Variants in PGC observed in about 807,000 individuals in gnomAD.
The protein encoded by PGC is gastricsin.
A neutral mutation model predicts 45.9 loss-of-function variants in PGC; 31 were observed. The observed-to-expected ratio is 0.67, with a 90% CI of 0.51 to 0.91. PGC has a LOEUF of 0.91. Among genes scored for constraint, PGC ranks in the 40% least tolerant of loss-of-function variants. The pLI is 0.00. For missense variants in PGC, 477 were observed against 493.2 expected (o/e 0.97, Z 0.31); for synonymous variants, 192 against 201.8 (o/e 0.95, Z 0.41).
At chr6:41,746,443 C>T (rs1368448600) in intron 1 of PGC, among the ~76,000 whole-genome samples, 2 of 152,226 alleles carry the variant, frequency 1.3e-5, no homozygotes, top group Non-Finnish European at 1.5e-5. Context: ...TTATAAATCA[C>T]CGTTTCTGTC....
rs201452329 is a variant in PGC at position 41,744,360 on chromosome 6, C to A, written c.328+37G>T. The A allele has an allele frequency of 1.3e-6, 2 of 1,484,218 alleles. No homozygotes were observed. Among genetic ancestry groups the A allele is most frequent in the South Asian group, 1.2e-5 (1 of 85,728 alleles). 91.9% of individuals were successfully genotyped at this position (1,484,218 alleles called of 1,614,324 possible). ...CCCCAGAGGGTATCAGTGCCTTGCC[C>A]TGCCAACCACCCCTCTCTGCCCAGC... On this transcript the variant is annotated intron_variant, in intron 3 of 8. Coordinates refer to ENST00000373025, the MANE Select transcript of PGC (RefSeq NM_002630.4). This position sits in a 1 kb window ranked among gnomAD's most constrained non-coding sequence, Gnocchi z 4.4.
intron 5 of PGC, 101 bp downstream of exon 5, chr6:41,742,189 G>T: frequency 9.5e-7 from 1 of 1,055,478 alleles, no homozygotes; most frequent in Non-Finnish European, 1.4e-6. Context: ...ATGCCCGCTG[G>T]GATGCCTCCA....
chr6:41,741,050 C>T lies in PGC; in HGVS notation c.648-440G>A, dbSNP rs1317788075. 5.9e-6 allele frequency: 9 copies of T among 1,537,190 alleles called. No individual in the cohort carries two copies. In the Admixed American group the frequency reaches 1.8e-4, roughly 30 times the overall value. ...CCCCCAGCCCACACTCTGCTCTCCTCTCCCCTCCGCTTCCTGCCTCTGGTA... is the reference window on the plus strand; with the variant it reads ...CCCCCAGCCCACACTCTGCTCTCCTTTCCCCTCCGCTTCCTGCCTCTGGTA... On this transcript the variant is annotated intron_variant, in intron 5 of 8. Coordinates refer to ENST00000373025, the MANE Select transcript of PGC (RefSeq NM_002630.4).
At chr6:41,742,188 G>T in intron 5 of PGC, 102 bp downstream of exon 5, 3 of 1,049,296 alleles carry the variant, frequency 2.9e-6, no homozygotes, top group Non-Finnish European at 4.3e-6. Context: ...GATGCCCGCT[G>T]GGATGCCTCC....
In PGC at chr6:41,742,290, T is replaced by G. The variant is rs781304062; in HGVS notation, c.647A>C (p.Asn216Thr). The change falls in exon 5 of 9, where the codon AAC becomes ACC. Residue 216 changes from asparagine (N) to threonine (T), a missense_variant and splice_region_variant. Asn to Thr is a moderately conservative substitution (Grantham distance 65). Coordinates refer to ENST00000373025, the MANE Select transcript of PGC (RefSeq NM_002630.4). ...GGGGACTGGCCAGCTGGTTGCTCAC[T>G]TGCTGAGGTAGACGCTGAAGACGGG... is the stretch of plus-strand genomic sequence containing the variant. The part of the protein sequence containing the change: ...TSPVFSVYLS[N>T]QQGSSGGAVV... 2 of 1,613,266 alleles carry G rather than the reference T, an allele frequency of 1.2e-6. No homozygotes were observed. Among genetic ancestry groups the G allele is most frequent in the East Asian group, 2.2e-5 (1 of 44,872 alleles).
Position 41,741,725 on chromosome 6 carries a change from G to A in PGC, c.647+565C>T, listed in dbSNP as rs1007223056. On this transcript the variant is annotated intron_variant, in intron 5 of 8. Coordinates refer to ENST00000373025, the MANE Select transcript of PGC (RefSeq NM_002630.4). ...AACAAAGAAAAGCAGGCCCCAGGCC[G>A]CTCACCCCCACCCACTGCCTGTCTC... 18 of 1,039,924 alleles carry A rather than the reference G, an allele frequency of 1.7e-5. 1 individual carries two copies. Among genetic ancestry groups the A allele is most frequent in the East Asian group, 2.6e-5 (1 of 38,650 alleles). 64.4% of individuals were successfully genotyped at this position (1,039,924 alleles called of 1,614,324 possible). A position where few individuals can be genotyped will look rare whatever the true frequency, so the allele number is the denominator to read the frequency against.
At chr6:41,739,066 A>G (rs529689919) in intron 7 of PGC, among the ~76,000 whole-genome samples, 105 of 152,350 alleles carry the variant, frequency 6.9e-4, no homozygotes, top group African/African-American at 2.5e-3. Flanking sequence ...GCTTGGGTTA[A>G]TTAAACAAAC....
rs148682620 is a variant in PGC at position 41,739,711 on chromosome 6, G to A, written c.915+88C>T. The stretch of plus-strand genomic sequence containing the variant: ...TGGGATTACAGGCATGAGCCACGGC[G>A]CCCAGCTGGCTATTGTGTTCCCAGG... On this transcript the variant is annotated intron_variant, in intron 7 of 8. Transcript: ENST00000373025. 114 of 1,371,874 alleles carry A rather than the reference G, an allele frequency of 8.3e-5. No homozygotes were observed. In the African/African-American group the frequency reaches 1.3e-3, roughly 16 times the overall value. The allele number at this position is 1,371,874 out of a possible 1,614,324, so 85.0% of individuals were successfully genotyped here.
chr6:41,746,130 G>A (rs1771928187), intron 1 of PGC, among the ~76,000 whole-genome samples: 1 of 151,762 alleles, frequency 6.6e-6, no homozygotes, highest in African/African-American at 2.4e-5. Flanking sequence ...CCATTGCACT[G>A]CAGCCTGGGC....
intron 7 of PGC, 146 bp downstream of exon 7, chr6:41,739,653 A>C: frequency 2.6e-6 from 2 of 763,760 alleles, no homozygotes; most frequent in Non-Finnish European, 4.2e-6. Context: ...TCCTGGGCTC[A>C]AAAGATCTGC....
intron 4 of PGC, 28 bp downstream of exon 4, chr6:41,743,243 C>T: frequency 7.4e-7 from 1 of 1,343,966 alleles, no homozygotes; most frequent in Non-Finnish European, 1.1e-6. Flanking sequence ...GCTCACAGCC[C>T]CAGCCTCCAC....
At chr6:41,738,167 C>CATATATATATGCAT (rs1771733607) in intron 7 of PGC, among the ~76,000 whole-genome samples, 2 of 27,984 alleles carry the variant, frequency 7.1e-5, no homozygotes, top group African/African-American at 1.9e-4. Context: ...CATATATATG[C>CATATATATATGCAT]ATATATATAT....
intron 1 of PGC, among the ~76,000 whole-genome samples, chr6:41,745,248 T>C (rs570154780): frequency 2.0e-5 from 3 of 152,136 alleles, no homozygotes; most frequent in African/African-American, 7.2e-5. Context: ...ATGTACTTTT[T>C]TTTTTTTGAG....
At position 41,743,288 on chromosome 6, in the gene PGC, C is replaced by A. The variant is rs549629939; in HGVS notation, c.430G>T (p.Gly144Cys). Residue 144 changes from glycine to cysteine, a missense_variant, in exon 4 of 9, where the codon GGC (glycine) becomes TGC (cysteine). By Grantham distance (159) the Gly-to-Cys change is radical. Coordinates refer to ENST00000373025, the MANE Select transcript of PGC (RefSeq NM_002630.4). ...YGSGSLTGFFGYDTLTVQSIQ... is the reference protein window; with the variant it reads ...YGSGSLTGFFCYDTLTVQSIQ... ...CCACTCACAGTCAGGGTGTCATAGC[C>A]AAAGAAGCCGGTGAGGCTGCCACTG... 54 of 1,611,410 alleles carry A rather than the reference C, an allele frequency of 3.4e-5. 2 individuals are homozygous for A. In the South Asian group the frequency reaches 5.5e-4, roughly 16 times the overall value.
At chr6:41,740,678 A>G in intron 5 of PGC, 68 bp from the exon 6 acceptor site, 3 of 1,525,124 alleles carry the variant, frequency 2.0e-6, no homozygotes, top group Middle Eastern at 1.8e-4. Flanking sequence ...CTGAGCAGTC[A>G]CCTCCACAGG....
At chr6:41,738,909 A>G (rs943598729) in intron 7 of PGC, among the ~76,000 whole-genome samples, 2 of 151,446 alleles carry the variant, frequency 1.3e-5, no homozygotes, top group African/African-American at 4.9e-5. Flanking sequence ...GCAGTGAGCC[A>G]AGATCACGCC....
Position 41,744,684 on chromosome 6 carries a change from T to A in PGC, c.184A>T (p.Thr62Ser), listed in dbSNP as rs1360043586. The change falls in exon 2 of 9, where the codon ACC becomes TCC. Residue 62 changes from threonine to serine, a missense_variant. Thr to Ser is a moderately conservative substitution (Grantham distance 58, BLOSUM62 1). Coordinates refer to ENST00000373025, the MANE Select transcript of PGC (RefSeq NM_002630.4). The surrounding 1 kb of genome is among the most constrained non-coding windows in gnomAD (Gnocchi z 4.4). ...TCCATGTAGGCCATGGGCTCGTAGG[T>A]CACGCTGAGGTCACCAAAGCGGTAC... ...WKYRFGDLSV[T>S]YEPMAYMDAA... is the part of the protein sequence containing the mutation. 1 of 1,614,116 alleles carries A rather than the reference T, an allele frequency of 6.2e-7. No homozygotes were observed. The highest frequency in any genetic ancestry group is 8.5e-7 in the Non-Finnish European group (1 of 1,180,010).
At position 41,740,484 on chromosome 6, in the gene PGC, G is replaced by T; in HGVS notation, c.767+7C>A. ...GCCACATCCCCAGGGCCCCACCGCA[G>T]ACTCACTCTTCAATGCCAATCTGCC... On this transcript the variant is annotated splice_region_variant and intron_variant, in intron 6 of 8. Transcript: ENST00000373025. The T allele has an allele frequency of 6.2e-7, 1 of 1,606,610 alleles. No homozygotes were observed. Among genetic ancestry groups the T allele is most frequent in the South Asian group, 1.1e-5 (1 of 90,098 alleles).
chr6:41,743,438 G>C, intron 3 of PGC, 49 bp from the exon 4 acceptor site: 1 of 1,176,632 alleles, frequency 8.5e-7, no homozygotes, highest in Non-Finnish European at 1.3e-6. Context: ...GGGCAGGGCT[G>C]CTCAGCTCTC....
Sources: allele counts gnomAD v4.1 joint callset (sites outside exome capture counted in the v4.1 genomes callset), GRCh38; gene constraint gnomAD v4.1.1; non-coding constraint Gnocchi (gnomAD v3.1); transcripts MANE v1.5; gene names NCBI Gene and HGNC (gene_info 2026-07-23, HGNC 2026-07-21).